PKP4: variants seen among roughly 807,000 people sequenced by gnomAD.
PKP4 encodes the protein plakophilin-4.
PKP4 carries 90 observed loss-of-function variants against 145.1 expected under a neutral mutation model. The observed-to-expected ratio is 0.62, with a 90% CI of 0.52 to 0.74. PKP4 has a LOEUF of 0.74. PKP4 is among the 30% of genes least tolerant of loss of function. The pLI, the probability that PKP4 is intolerant of heterozygous loss-of-function variation, is 0.00. For synonymous variants in PKP4, 563 were observed against 577.2 expected (o/e 0.98, Z 0.35); for missense variants, 1,340 against 1,482.7 (o/e 0.90, Z 1.58).
At chr2:158,672,021 G>A (rs541286218) in intron 17 of PKP4, among the ~76,000 whole-genome samples, 6 of 152,318 alleles carry the variant, frequency 3.9e-5, no homozygotes, top group Admixed American at 2.0e-4. Flanking sequence ...ACAGAGGGAA[G>A]CCGGTGGGGC....
chr2:158,610,749 G>A (rs1436559326), intron 4 of PKP4, among the ~76,000 whole-genome samples: 3 of 152,148 alleles, frequency 2.0e-5, no homozygotes. Context: ...TAGAGTTTAG[G>A]TGGTTGCCAA....
chr2:158,516,797 G>A (rs544720773), intron 1 of PKP4, among the ~76,000 whole-genome samples: 98 of 152,006 alleles, frequency 6.4e-4, no homozygotes, highest in Middle Eastern at 3.4e-3. Context: ...GCAGCTGGGG[G>A]ATTACAGGCA....
chr2:158,586,442 T>G (rs923379045), intron 3 of PKP4, among the ~76,000 whole-genome samples: 2 of 152,332 alleles, frequency 1.3e-5, no homozygotes, highest in East Asian at 1.9e-4. Flanking sequence ...TTTTAATTTT[T>G]TAGTGTATTT....
At chr2:158,613,210 G>A (rs2051294850) in intron 4 of PKP4, among the ~76,000 whole-genome samples, 1 of 152,154 alleles carries the variant, frequency 6.6e-6, no homozygotes, top group Non-Finnish European at 1.5e-5. Flanking sequence ...GGTGACTCCA[G>A]TGTGCACAGT....
At chr2:158,564,757 A>G (rs2105747799) in intron 2 of PKP4, among the ~76,000 whole-genome samples, 1 of 152,232 alleles carries the variant, frequency 6.6e-6, no homozygotes, top group African/African-American at 2.4e-5. Flanking sequence ...CAATGTGTGC[A>G]TGTGTGTGTA....
chr2:158,546,489 G>A (rs566580219), intron 2 of PKP4, among the ~76,000 whole-genome samples: 67 of 152,244 alleles, frequency 4.4e-4, no homozygotes, highest in African/African-American at 1.6e-3. Flanking sequence ...TGGGAGTTTG[G>A]TTGTCCTTCT....
chr2:158,517,911 G>A lies in PKP4; in HGVS notation c.-5-15269G>A, dbSNP rs57377138. On this transcript the variant is annotated intron_variant, in intron 1 of 21. Coordinates refer to ENST00000389759, the MANE Select transcript of PKP4 (RefSeq NM_003628.6). ...AGCTGGGGTGACAGAGCGAGACCCT[G>A]TCTCAAAAAAAAAACAAAAGAAAAT... Among the ~76,000 whole-genome samples the A allele has an allele frequency of 3.2e-4, 48 of 150,812 alleles. 1 individual carries two copies. In the East Asian group the frequency reaches 8.8e-3, roughly 27 times the overall value.
Position 158,631,760 on chromosome 2 carries a change from G to C in PKP4, c.1161G>C (p.Arg387=). The C allele has an allele frequency of 6.2e-7, 1 of 1,613,846 alleles. No individual in the cohort carries two copies. The highest frequency in any genetic ancestry group is 8.5e-7 in the Non-Finnish European group (1 of 1,179,800). The change falls in exon 8 of 22, where the codon CGG becomes CGC. Residue 387 remains arginine, a synonymous_variant. Coordinates refer to ENST00000389759, the MANE Select transcript of PKP4 (RefSeq NM_003628.6). ...TAATTTTTGTGCCTCTAGGCTTACGGAGTTCCTATGCTAGTCAGCATAGTC... is the reference window on the plus strand; with the variant it reads ...TAATTTTTGTGCCTCTAGGCTTACGCAGTTCCTATGCTAGTCAGCATAGTC... The part of the protein sequence containing the change: ...PPRPDSLTGL[R]SSYASQHSQL...
rs769031427 is a variant in PKP4, at chr2:158,669,839, A to T, written c.2848A>T (p.Met950Leu). The change falls in exon 17 of 22, where the codon ATG becomes TTG. Residue 950 changes from methionine to leucine, a missense_variant. Met to Leu is a conservative substitution (Grantham distance 15). Coordinates refer to ENST00000389759, the MANE Select transcript of PKP4 (RefSeq NM_003628.6). ...TCTGCACGAGGTCACCAGCAAAAAC[A>T]TGGAGAACGCAAAAGCCCTGGCCGA... ...CALHEVTSKN[M>L]ENAKALADSG... is the part of the protein sequence containing the mutation. The T allele has an allele frequency of 6.2e-6, 10 of 1,614,002 alleles. No homozygotes were observed. The highest frequency in any genetic ancestry group is 1.7e-5 in the Admixed American group (1 of 60,012).
At chr2:158,507,152 C>G (rs2105513728) in intron 1 of PKP4, among the ~76,000 whole-genome samples, 1 of 152,316 alleles carries the variant, frequency 6.6e-6, no homozygotes, top group Non-Finnish European at 1.5e-5. Context: ...TTCTATACCT[C>G]TCTCTTGCTC....
At chr2:158,616,153 T>G (rs533451097) in intron 4 of PKP4, among the ~76,000 whole-genome samples, 1 of 152,364 alleles carries the variant, frequency 6.6e-6, no homozygotes, top group Non-Finnish European at 1.5e-5. Flanking sequence ...ATACTATTGG[T>G]GCTTCATGTT....
At chr2:158,539,134 T>C (rs2044310049) in intron 2 of PKP4, among the ~76,000 whole-genome samples, 1 of 152,166 alleles carries the variant, frequency 6.6e-6, no homozygotes, top group African/African-American at 2.4e-5. Flanking sequence ...CATTCTATCT[T>C]CAGTATGTCC....
intron 2 of PKP4, among the ~76,000 whole-genome samples, chr2:158,546,561 CA>C (rs1278942040): frequency 6.6e-6 from 1 of 152,026 alleles, no homozygotes. Flanking sequence ...GGGCATGAGC[CA>C]AAAAATGTAG....
At chr2:158,536,272 C>G (rs1394698292) in intron 2 of PKP4, among the ~76,000 whole-genome samples, 1 of 152,136 alleles carries the variant, frequency 6.6e-6, no homozygotes, top group Non-Finnish European at 1.5e-5. Context: ...TATACATAAA[C>G]ATACAATTTT....
At chr2:158,666,625 T>A (rs1189782760) in intron 16 of PKP4, 62 bp downstream of exon 16, 1 of 1,359,632 alleles carries the variant, frequency 7.4e-7, no homozygotes, top group Non-Finnish European at 1.0e-6. Context: ...CATGAAACTC[T>A]TCTTTTGATT....
intron 2 of PKP4, among the ~76,000 whole-genome samples, chr2:158,566,847 AC>A (rs1476297057): frequency 6.6e-6 from 1 of 152,190 alleles, no homozygotes; most frequent in African/African-American, 2.4e-5. Flanking sequence ...CACACACAGC[AC>A]ACATATCTAT....
chr2:158,634,044 T>A, intron 8 of PKP4, 26 bp from the exon 9 acceptor site: 4 of 1,313,864 alleles, frequency 3.0e-6, no homozygotes, highest in Non-Finnish European at 4.4e-6. Context: ...AACATACTAA[T>A]CTTTTTCAAA....
chr2:158,529,445 C>A (rs1336675007), intron 1 of PKP4, among the ~76,000 whole-genome samples: 1 of 152,198 alleles, frequency 6.6e-6, no homozygotes, highest in Non-Finnish European at 1.5e-5. Context: ...TCATTCACAT[C>A]CTCCCTGTCC....
chr2:158,620,579 A>G (rs1380865380), intron 4 of PKP4, among the ~76,000 whole-genome samples: 1 of 152,234 alleles, frequency 6.6e-6, no homozygotes, highest in Non-Finnish European at 1.5e-5. Flanking sequence ...TTCATCACCA[A>G]GCTCAATAAT....
Sources: allele counts gnomAD v4.1 joint callset (sites outside exome capture counted in the v4.1 genomes callset), GRCh38; gene constraint gnomAD v4.1.1; transcripts MANE v1.5; gene names NCBI Gene and HGNC (gene_info 2026-07-23, HGNC 2026-07-21).